The following EFCAB3 variants were observed in gnomAD, a reference collection of about 807,000 sequenced individuals.
EFCAB3 encodes the protein EF-hand calcium-binding domain-containing protein 3.
In EFCAB3, 36 loss-of-function variants were observed where a neutral mutation model predicts 42.2. The observed-to-expected ratio is 0.85, with a 90% CI of 0.65 to 1.13. EFCAB3 has a LOEUF of 1.13. EFCAB3 is among the 50% of genes most tolerant of loss of function. The probability of loss-of-function intolerance (pLI) is 0.00; values close to 1 mark genes in which losing one functional copy is unlikely to be tolerated. For synonymous variants in EFCAB3, 170 were observed against 172.8 expected, an observed-to-expected ratio of 0.98 and a Z score of 0.13; for missense variants, 418 against 505.1, an observed-to-expected ratio of 0.83 and a Z score of 1.65.
At chr17:62,371,508 A>G (rs919887517) in intron 1 of EFCAB3, among the ~76,000 whole-genome samples, 1 of 152,132 alleles carries the variant, frequency 6.6e-6, no homozygotes. Flanking sequence ...CAGTGAGCCA[A>G]GATTGCGCCA....
At chr17:62,413,703 C>T in intron 8 of EFCAB3, 29 bp from the exon 9 acceptor site, 2 of 1,551,038 alleles carry the variant, frequency 1.3e-6, no homozygotes, top group Middle Eastern at 1.8e-4. Flanking sequence ...AAATGTATTA[C>T]TAACCTTCTT....
rs544694611 is a variant in EFCAB3 at position 62,415,908 on chromosome 17, C to A, written c.991-95C>A. 3.4e-5 allele frequency: 37 copies of A among 1,084,358 alleles called. No homozygotes were observed. In the African/African-American group the frequency reaches 4.0e-4, roughly 12 times the overall value. 67.2% of individuals were successfully genotyped at this position (1,084,358 alleles called of 1,614,324 possible). ...TATAGATTCAGTGACTTTCGAGTAG[C>A]CCAGGGACATAACTCTTGGGGTATC... On this transcript the variant is annotated intron_variant, in intron 9 of 9. Transcript: ENST00000305286.
chr17:62,373,321 G>A (rs1225003823), intron 1 of EFCAB3, among the ~76,000 whole-genome samples: 1 of 149,242 alleles, frequency 6.7e-6, no homozygotes, highest in Non-Finnish European at 1.5e-5. Flanking sequence ...CTCTTTCAAA[G>A]ACTCATCCTT....
At chr17:62,406,204 T>G (rs2070445703) in intron 6 of EFCAB3, among the ~76,000 whole-genome samples, 1 of 151,470 alleles carries the variant, frequency 6.6e-6, no homozygotes, top group African/African-American at 2.4e-5. Context: ...CTCATCTCTC[T>G]CTAAAAAAAA....
rs1434622005 is a variant in EFCAB3, at chr17:62,416,127, A to G, written c.1115A>G (p.Tyr372Cys). Residue 372 changes from tyrosine (Y) to cysteine (C), a missense_variant, in exon 10 of 10, where the codon TAT becomes TGT. By Grantham distance (194) the Tyr-to-Cys change is radical (BLOSUM62 -2). Coordinates refer to ENST00000305286, the MANE Select transcript of EFCAB3 (RefSeq NM_173503.4). ...IGMDSRNESF[Y>C]DTFSTYTWSW... ...ATGGACTCTAGAAATGAGTCCTTTT[A>G]TGACACCTTTTCTACTTATACATGG... 3 of 1,613,884 alleles carry G rather than the reference A, an allele frequency of 1.9e-6. No individual in the cohort carries two copies. Among genetic ancestry groups the G allele is most frequent in the Non-Finnish European group, 2.5e-6 (3 of 1,179,870 alleles).
chr17:62,398,034 A>AG, intron 6 of EFCAB3: 1 of 275,786 alleles, frequency 3.6e-6, no homozygotes, highest in Non-Finnish European at 6.7e-6. Context: ...TCAAAAAAAA[A>AG]AAAAAAAAAA....
intron 2 of EFCAB3, 97 bp from the exon 3 acceptor site, chr17:62,387,243 C>T: frequency 2.3e-6 from 2 of 856,336 alleles, no homozygotes; most frequent in Admixed American, 4.2e-5. Flanking sequence ...CATTGAGATG[C>T]TACAGTCATT....
chr17:62,371,158 C>T (rs2070111964), intron 1 of EFCAB3, among the ~76,000 whole-genome samples: 1 of 151,966 alleles, frequency 6.6e-6, no homozygotes, highest in South Asian at 2.1e-4. Flanking sequence ...TGAGATTCTG[C>T]CTTCCTAACA....
chr17:62,410,225 T>C (rs1036123456), intron 8 of EFCAB3, among the ~76,000 whole-genome samples: 2 of 151,612 alleles, frequency 1.3e-5, no homozygotes, highest in Non-Finnish European at 2.9e-5. Flanking sequence ...AAATGTTCAT[T>C]AGAACCAAGA....
intron 8 of EFCAB3, among the ~76,000 whole-genome samples, chr17:62,408,807 T>C (rs2070469664): frequency 6.6e-6 from 1 of 152,212 alleles, no homozygotes; most frequent in South Asian, 2.1e-4. Context: ...ACCTCTTTAC[T>C]CTTCCTCTTA....
chr17:62,387,278 A>G (rs2144069727), intron 2 of EFCAB3, 62 bp from the exon 3 acceptor site: 1 of 1,298,930 alleles, frequency 7.7e-7, no homozygotes, highest in Admixed American at 1.8e-5. Flanking sequence ...CTGATGAGTA[A>G]GACTAATATC....
At chr17:62,409,039 T>G (rs2070472183) in intron 8 of EFCAB3, among the ~76,000 whole-genome samples, 1 of 152,220 alleles carries the variant, frequency 6.6e-6, no homozygotes, top group Non-Finnish European at 1.5e-5. Context: ...TGGTTCATTT[T>G]ATGTTACATG....
intron 6 of EFCAB3, among the ~76,000 whole-genome samples, chr17:62,398,507 A>C (rs934201325): frequency 1.3e-5 from 2 of 151,756 alleles, no homozygotes; most frequent in African/African-American, 2.4e-5. Flanking sequence ...GCAAAAAAAA[A>C]AAAAAACAAA....
At chr17:62,380,326 A>T (rs2144054217), upstream of EFCAB3, among the ~76,000 whole-genome samples, 1 of 152,354 alleles carries the variant, frequency 6.6e-6, no homozygotes, top group South Asian at 2.1e-4. Flanking sequence ...ACATGAAAAT[A>T]TATTAATATA....
At chr17:62,373,766 T>G in intron 1 of EFCAB3, 1 of 1,116,270 alleles carries the variant, frequency 9.0e-7, no homozygotes, top group Non-Finnish European at 1.3e-6. Context: ...ACAACTGTTA[T>G]GAATTTTTAT....
intron 8 of EFCAB3, among the ~76,000 whole-genome samples, chr17:62,412,577 A>C (rs2144116974): frequency 6.6e-6 from 1 of 151,686 alleles, no homozygotes; most frequent in East Asian, 2.0e-4. Flanking sequence ...CAATCCTCCC[A>C]CTTCAGCCTC....
intron 8 of EFCAB3, among the ~76,000 whole-genome samples, chr17:62,412,062 T>C (rs1381174971): frequency 6.6e-6 from 1 of 151,962 alleles, no homozygotes; most frequent in Non-Finnish European, 1.5e-5. Flanking sequence ...AAGCTATCAT[T>C]CAAGAGGGAG....
In EFCAB3 at chr17:62,393,455, C is replaced by T. The variant is rs536320326; in HGVS notation, c.296-118C>T. The T allele has an allele frequency of 1.2e-3, 927 of 803,800 alleles. 5 individuals carry two copies. In the Middle Eastern group the frequency reaches 0.012, roughly 10 times the overall value. 49.8% of individuals were successfully genotyped at this position (803,800 alleles called of 1,614,324 possible). On this transcript the variant is annotated intron_variant, in intron 4 of 9. Coordinates refer to ENST00000305286, the MANE Select transcript of EFCAB3 (RefSeq NM_173503.4). Reference sequence around the variant, plus strand: ...CTCACCTGAGCATATTTCCAGCCCTCAAATGCTCTGTTTTTAATATTGAAT... The same window carrying T: ...CTCACCTGAGCATATTTCCAGCCCTTAAATGCTCTGTTTTTAATATTGAAT...
At chr17:62,378,689 A>G (rs2070169397), upstream of EFCAB3, among the ~76,000 whole-genome samples, 2 of 150,758 alleles carry the variant, frequency 1.3e-5, no homozygotes, top group African/African-American at 4.9e-5. Flanking sequence ...TAACAAAGAA[A>G]GAACTTGTCT....
Sources: gnomAD v4.1 joint callset for allele counts (sites outside exome capture counted in the v4.1 genomes callset) on GRCh38, gnomAD v4.1.1 for gene constraint, MANE v1.5 for transcripts, NCBI Gene and HGNC (gene_info 2026-07-23, HGNC 2026-07-21) for gene names.